Variants in PFKFB3 observed in about 807,000 individuals in gnomAD.
PFKFB3 encodes 6-phosphofructo-2-kinase/fructose-2,6-bisphosphatase 3.
PFKFB3 carries 33 observed loss-of-function variants against 68.0 expected under a neutral mutation model. That is an observed-to-expected ratio of 0.49 (90% CI 0.37 to 0.65). The LOEUF is 0.65. Ranked by LOEUF, PFKFB3 falls within the 30% of genes least tolerant of loss-of-function variation. The probability of loss-of-function intolerance (pLI) is 0.00; values close to 1 mark genes in which losing one functional copy is unlikely to be tolerated. For missense variants in PFKFB3, 586 were observed against 712.2 expected, an observed-to-expected ratio of 0.82 and a Z score of 2.02; for synonymous variants, 315 against 288.2, an observed-to-expected ratio of 1.09 and a Z score of -0.94.
At chr10:6,325,856 T>C in the PFKFB3 span, among the ~76,000 whole-genome samples, 8 of 152,160 alleles carry the variant, frequency 5.3e-5, no homozygotes, top group Non-Finnish European at 1.0e-4. Flanking sequence ...ACATCAATGG[T>C]TATCATCAAG....
intron 1 of PFKFB3, among the ~76,000 whole-genome samples, chr10:6,186,756 C>T (rs191258102): frequency 2.8e-4 from 42 of 152,294 alleles, no homozygotes; most frequent in African/African-American, 9.9e-4. Flanking sequence ...CCTCAGCCTC[C>T]CAAAGTGCTG....
the PFKFB3 span, among the ~76,000 whole-genome samples, chr10:6,284,920 T>C: frequency 5.9e-5 from 9 of 152,266 alleles, no homozygotes; most frequent in South Asian, 2.1e-4. Context: ...CAGGATTTTT[T>C]CCCATTTTTA....
intron 14 of PFKFB3, among the ~76,000 whole-genome samples, chr10:6,242,884 G>A (rs35509595): frequency 0.13 from 19,689 of 152,212 alleles, 1,600 homozygotes; most frequent in Non-Finnish European, 0.18. Flanking sequence ...CACTGCGCCC[G>A]GCCTAAACAT....
chr10:6,248,372 C>T (rs891875447), intron 14 of PFKFB3, among the ~76,000 whole-genome samples: 7 of 152,052 alleles, frequency 4.6e-5, no homozygotes, highest in Non-Finnish European at 1.0e-4. Context: ...TGCCTGTAAT[C>T]CCAGCACTTT....
chr10:6,191,993 T>G (rs1843035673), intron 1 of PFKFB3, among the ~76,000 whole-genome samples: 1 of 145,580 alleles, frequency 6.9e-6, no homozygotes, highest in Non-Finnish European at 1.5e-5. Flanking sequence ...TTGGTAAAAT[T>G]GTATTCAATC....
intron 1 of PFKFB3, among the ~76,000 whole-genome samples, chr10:6,209,481 T>TTG (rs1049070977): frequency 7.2e-5 from 11 of 151,806 alleles, no homozygotes; most frequent in South Asian, 2.1e-4. Context: ...TAATTTTTTT[T>TTG]TTGTTTTTTT....
In PFKFB3 at chr10:6,228,309, G is replaced by C; in HGVS notation, c.1515+1944G>C. ...CTGCCTGTTAAAATATTGAGGATGA[G>C]AGCAGTTTTGTGATGTGAGGTCTTC... is the stretch of plus-strand genomic sequence containing the variant. On this transcript the variant is annotated intron_variant, in intron 14 of 14. Transcript: ENST00000379775. This position sits in a 1 kb window ranked among gnomAD's most constrained non-coding sequence, Gnocchi z 4.5. 2 of 1,451,444 alleles carry C rather than the reference G, an allele frequency of 1.4e-6. No individual in the cohort carries two copies. Among genetic ancestry groups the C allele is most frequent in the South Asian group, 1.1e-5 (1 of 87,596 alleles). The allele number at this position is 1,451,444 out of a possible 1,614,324, so 89.9% of individuals were successfully genotyped here. A position where few individuals can be genotyped will look rare whatever the true frequency, so the allele number is the denominator to read the frequency against.
the PFKFB3 span, among the ~76,000 whole-genome samples, chr10:6,296,758 T>G: frequency 6.6e-6 from 1 of 152,348 alleles, no homozygotes; most frequent in Non-Finnish European, 1.5e-5. Context: ...GCAGTGAGGA[T>G]GACCAGAGGT....
chr10:6,250,965 G>A (rs540362152), intron 14 of PFKFB3, among the ~76,000 whole-genome samples: 93 of 152,170 alleles, frequency 6.1e-4, no homozygotes, highest in Middle Eastern at 3.4e-3. Context: ...GACCTTTCAC[G>A]AGTGCTGAGG....
the PFKFB3 span, among the ~76,000 whole-genome samples, chr10:6,314,761 G>C: frequency 1.3e-5 from 2 of 152,098 alleles, no homozygotes; most frequent in Non-Finnish European, 2.9e-5. Flanking sequence ...AGGAACTAAC[G>C]AGCTGCCCCT....
the PFKFB3 span, among the ~76,000 whole-genome samples, chr10:6,269,086 C>G: frequency 6.6e-6 from 1 of 150,660 alleles, no homozygotes; most frequent in Non-Finnish European, 1.5e-5. Flanking sequence ...TTATTTACTG[C>G]TAGTATGTAG....
In PFKFB3 at chr10:6,216,695, C is replaced by T. The variant is rs781126806; in HGVS notation, c.367-11C>T. The stretch of plus-strand genomic sequence containing the variant: ...AGAGTTTTCTTCCTGGCCCTTTGCT[C>T]TCCATATCAGGTTTTCGATGCCACC... On this transcript the variant is annotated splice_polypyrimidine_tract_variant and intron_variant, in intron 4 of 14. Transcript: ENST00000379775. 1.3e-6 allele frequency: 2 copies of T among 1,591,452 alleles called. No homozygotes were observed. Among genetic ancestry groups the T allele is most frequent in the East Asian group, 2.2e-5 (1 of 44,782 alleles).
downstream of PFKFB3, among the ~76,000 whole-genome samples, chr10:6,238,443 G>A (rs1423264163): frequency 7.0e-6 from 1 of 142,072 alleles, no homozygotes. Flanking sequence ...GGGATTACAG[G>A]TGTGAGCCAC....
intron 1 of PFKFB3, among the ~76,000 whole-genome samples, chr10:6,170,470 A>T (rs1338076921): frequency 6.6e-6 from 1 of 152,206 alleles, no homozygotes; most frequent in African/African-American, 2.4e-5. Flanking sequence ...TAATCCCAGC[A>T]CTTTGGGAAG....
chr10:6,287,217 G>A, the PFKFB3 span, among the ~76,000 whole-genome samples: 1 of 152,130 alleles, frequency 6.6e-6, no homozygotes, highest in Non-Finnish European at 1.5e-5. Flanking sequence ...CTCCTGAGTA[G>A]CTGGGATTAC....
chr10:6,177,429 CT>C (rs368351485), intron 1 of PFKFB3, among the ~76,000 whole-genome samples: 537 of 50,724 alleles, frequency 0.011, 2 homozygotes, highest in East Asian at 0.02. Flanking sequence ...TTCTTCCTTT[CT>C]TTTCTTTCTC....
chr10:6,289,383 A>C, the PFKFB3 span, among the ~76,000 whole-genome samples: 1 of 151,986 alleles, frequency 6.6e-6, no homozygotes, highest in Non-Finnish European at 1.5e-5. Flanking sequence ...ATTTTTGTGT[A>C]AGGTGTAAGG....
At chr10:6,173,244 G>A (rs1196801129) in intron 1 of PFKFB3, among the ~76,000 whole-genome samples, 5 of 152,222 alleles carry the variant, frequency 3.3e-5, no homozygotes, top group Admixed American at 1.3e-4. Context: ...CACCACAGCC[G>A]TTGCTGGTGG....
chr10:6,290,246 A>G, the PFKFB3 span, among the ~76,000 whole-genome samples: 401 of 151,894 alleles, frequency 2.6e-3, 3 homozygotes, highest in South Asian at 0.024. Context: ...ACTATGTTGA[A>G]TAGGAGTGGT....
Sources: allele counts gnomAD v4.1 joint callset (sites outside exome capture counted in the v4.1 genomes callset), GRCh38; gene constraint gnomAD v4.1.1; non-coding constraint Gnocchi (gnomAD v3.1); transcripts MANE v1.5; gene names NCBI Gene and HGNC (gene_info 2026-07-23, HGNC 2026-07-21).